The following XXYLT1 variants were observed in gnomAD, a reference collection of about 807,000 sequenced individuals.
XXYLT1 encodes UDP-xylose:alpha-xyloside alpha-1,3-xylosyltransferase.
Under a neutral mutation model 28.9 loss-of-function variants are expected in XXYLT1, and 20 were observed. The observed-to-expected ratio is 0.69, with a 90% CI of 0.49 to 1.00. The LOEUF (loss-of-function observed/expected upper bound fraction) is 1.00. XXYLT1 is among the 50% of genes least tolerant of loss of function. XXYLT1 has a pLI of 0.00. For missense variants in XXYLT1, 542 were observed against 560.1 expected (o/e 0.97, Z 0.33); for synonymous variants, 257 against 253.8 (o/e 1.01, Z -0.12).
rs775616935 is a variant in XXYLT1, at chr3:195,069,666, T to C, written c.*49A>G. ...CCCTTGGGTCTGTCCCAAGGAACCC[T>C]GTCCTTCCCCCAGATCTGGAGGCCC... On this transcript the variant is annotated 3_prime_UTR_variant, in exon 4 of 4. Coordinates refer to ENST00000310380, the MANE Select transcript of XXYLT1 (RefSeq NM_152531.5). 1 of 1,565,748 alleles carries C rather than the reference T, an allele frequency of 6.4e-7. No homozygotes were observed. Among genetic ancestry groups the C allele is most frequent in the Non-Finnish European group, 8.6e-7 (1 of 1,160,456 alleles).
At chr3:195,172,262 C>T (rs576610647) in intron 2 of XXYLT1, among the ~76,000 whole-genome samples, 5 of 152,320 alleles carry the variant, frequency 3.3e-5, no homozygotes, top group Admixed American at 2.0e-4. Flanking sequence ...CTGCACCTAA[C>T]GAGAGGCTTG....
At chr3:195,175,050 TCA>T (rs1328306358) in intron 2 of XXYLT1, among the ~76,000 whole-genome samples, 2 of 152,146 alleles carry the variant, frequency 1.3e-5, no homozygotes, top group African/African-American at 4.8e-5. Context: ...AATACAAGAC[TCA>T]CAGAACCAGG....
chr3:195,218,634 C>A (rs370636069), intron 2 of XXYLT1, among the ~76,000 whole-genome samples: 2 of 151,732 alleles, frequency 1.3e-5, no homozygotes, highest in East Asian at 3.9e-4. Flanking sequence ...CACACCGGTT[C>A]GAATGGCAAT....
chr3:195,157,912 A>G (rs1720688977), intron 2 of XXYLT1, among the ~76,000 whole-genome samples: 1 of 152,220 alleles, frequency 6.6e-6, no homozygotes, highest in African/African-American at 2.4e-5. Context: ...TCCATTGGCT[A>G]AAATGGGGAG....
intron 3 of XXYLT1, among the ~76,000 whole-genome samples, chr3:195,075,687 G>A (rs1715073046): frequency 6.6e-6 from 1 of 152,186 alleles, no homozygotes; most frequent in African/African-American, 2.4e-5. Context: ...GGCAGGACTT[G>A]CCTGGGGAAA....
chr3:195,102,939 G>A (rs62290287), intron 3 of XXYLT1, among the ~76,000 whole-genome samples: 19,750 of 152,122 alleles, frequency 0.13, 1,826 homozygotes, highest in East Asian at 0.46. Flanking sequence ...ACGGTGCAGC[G>A]TGCTGGGGCT....
intron 1 of XXYLT1, among the ~76,000 whole-genome samples, chr3:195,267,066 C>A (rs898829989): frequency 2.0e-5 from 3 of 152,164 alleles, no homozygotes; most frequent in African/African-American, 7.2e-5. Flanking sequence ...TCCAATTAGC[C>A]AAAATAAAAT....
intron 3 of XXYLT1, among the ~76,000 whole-genome samples, chr3:195,143,187 G>A (rs1719581688): frequency 6.6e-6 from 1 of 152,142 alleles, no homozygotes; most frequent in Non-Finnish European, 1.5e-5. Flanking sequence ...AGAAAATGTT[G>A]GGAAAAAACA....
chr3:195,216,057 T>A (rs1723558615), intron 2 of XXYLT1, among the ~76,000 whole-genome samples: 1 of 151,806 alleles, frequency 6.6e-6, no homozygotes, highest in East Asian at 2.0e-4. Context: ...CTGAACAACC[T>A]GCTCCTGAAT....
Position 195,210,658 on chromosome 3 carries a change from G to A in XXYLT1, c.652+16051C>T, listed in dbSNP as rs1350694116. On this transcript the variant is annotated intron_variant, in intron 2 of 3. Coordinates refer to ENST00000310380, the MANE Select transcript of XXYLT1 (RefSeq NM_152531.5). This position sits in a 1 kb window ranked among gnomAD's most constrained non-coding sequence, Gnocchi z 4.8. ...ATTAGTAGAAAATGGTCTCTACCAC[G>A]TTACTATTTTTAGCATTTTATGACA... Among the ~76,000 whole-genome samples the A allele has an allele frequency of 2.0e-5, 3 of 152,166 alleles. No individual in the cohort carries two copies. The highest frequency in any genetic ancestry group is 4.4e-5 in the Non-Finnish European group (3 of 68,038).
chr3:195,122,294 A>C, intron 3 of XXYLT1: 1 of 645,204 alleles, frequency 1.5e-6, no homozygotes, highest in Non-Finnish European at 2.8e-6. Flanking sequence ...TATTCAGTCC[A>C]TTGCACCCCT....
At chr3:195,140,018 G>A (rs1719402430) in intron 3 of XXYLT1, among the ~76,000 whole-genome samples, 1 of 152,188 alleles carries the variant, frequency 6.6e-6, no homozygotes, top group South Asian at 2.1e-4. Context: ...TAGGCTCTCT[G>A]GAGTACATGA....
At chr3:195,125,229 G>A (rs1354521669) in intron 3 of XXYLT1, among the ~76,000 whole-genome samples, 9 of 152,264 alleles carry the variant, frequency 5.9e-5, no homozygotes, top group African/African-American at 1.7e-4. Context: ...ACCCGGCTCC[G>A]ACAGGGAGCT....
intron 2 of XXYLT1, among the ~76,000 whole-genome samples, chr3:195,202,606 G>A (rs901059322): frequency 2.0e-5 from 3 of 152,106 alleles, no homozygotes; most frequent in African/African-American, 7.2e-5. Context: ...CACATATAAA[G>A]ACTGCCATGT....
chr3:195,192,471 C>A (rs970196184), intron 2 of XXYLT1, among the ~76,000 whole-genome samples: 1 of 151,870 alleles, frequency 6.6e-6, no homozygotes, highest in African/African-American at 2.4e-5. Flanking sequence ...TCAAAAAAAT[C>A]TTTCAGAAAA....
At chr3:195,121,217 G>A (rs560400727) in intron 3 of XXYLT1, among the ~76,000 whole-genome samples, 1 of 152,310 alleles carries the variant, frequency 6.6e-6, no homozygotes, top group Admixed American at 6.5e-5. Flanking sequence ...TTTCACCCGA[G>A]GATGTGATCT....
At chr3:195,241,046 G>A (rs116020865) in intron 1 of XXYLT1, among the ~76,000 whole-genome samples, 311 of 152,332 alleles carry the variant, frequency 2.0e-3, no homozygotes, top group African/African-American at 7.2e-3. Context: ...CCTCCCAATT[G>A]GAAATGGCCT....
At chr3:195,174,401 C>T (rs114426804) in intron 2 of XXYLT1, among the ~76,000 whole-genome samples, 3,252 of 152,224 alleles carry the variant, frequency 0.021, 118 homozygotes, top group African/African-American at 0.074. Context: ...TGCAGTGGCA[C>T]AATCACAGCT....
At position 195,141,163 on chromosome 3, in the gene XXYLT1, T is replaced by C. The variant is rs577843834; in HGVS notation, c.785+15286A>G. Among the ~76,000 whole-genome samples the C allele has an allele frequency of 5.3e-5, 8 of 152,334 alleles. No individual in the cohort carries two copies. In the East Asian group the frequency reaches 1.4e-3, roughly 26 times the overall value. On this transcript the variant is annotated intron_variant, in intron 3 of 3. Coordinates refer to ENST00000310380, the MANE Select transcript of XXYLT1 (RefSeq NM_152531.5). ...TGTTGTTTATAAGCTACCTAATCTA[T>C]GGTGTTTATTACAGTAGCCTGAACT...
Sources: allele counts gnomAD v4.1 joint callset (sites outside exome capture counted in the v4.1 genomes callset), GRCh38; gene constraint gnomAD v4.1.1; non-coding constraint Gnocchi (gnomAD v3.1); transcripts MANE v1.5; gene names NCBI Gene and HGNC (gene_info 2026-07-23, HGNC 2026-07-21).